The following PXN variants were observed in gnomAD, a reference collection of about 807,000 sequenced individuals.
PXN encodes the protein paxillin, also known as testicular tissue protein Li 134.
Under a neutral mutation model 103.6 loss-of-function variants are expected in PXN, and 61 were observed. The observed-to-expected ratio is 0.59, with a 90% CI of 0.48 to 0.73. The LOEUF is 0.73. Ranked by LOEUF, PXN falls within the 30% of genes least tolerant of loss-of-function variation. The pLI is 0.00. For synonymous variants in PXN, 562 were observed against 607.8 expected (o/e 0.92, Z 1.11); for missense variants, 1,274 against 1,460.3 (o/e 0.87, Z 2.08).
rs1456005012 is a variant in PXN, at chr12:120,225,761, C to T, written c.14-1384G>A. 1 of 152,660 alleles carries T rather than the reference C, an allele frequency of 6.6e-6. No homozygotes were observed. The highest frequency in any genetic ancestry group is 1.5e-5 in the Non-Finnish European group (1 of 68,310). 9.5% of individuals were successfully genotyped at this position (152,660 alleles called of 1,614,324 possible). On this transcript the variant is annotated intron_variant, in intron 1 of 14. Transcript: ENST00000637617. This position sits in a 1 kb window ranked among gnomAD's most constrained non-coding sequence, Gnocchi z 4.4. ...TGTGAGGCCTGCCAGTGTGATCCTT[C>T]CTTGTGGCCTTGCTCCCAGTCCCCC... is the stretch of plus-strand genomic sequence containing the variant.
chr12:120,214,065 C>A lies in PXN; in HGVS notation c.2830+71G>T. ...GGAGCCACTCTGACTCCAACCTCAG[C>A]AGCGTCTCCCACCCCCACCTCCCCG... On this transcript the variant is annotated intron_variant, in intron 13 of 14. Transcript: ENST00000637617. This position sits in a 1 kb window ranked among gnomAD's most constrained non-coding sequence, Gnocchi z 5.0. 1 of 1,573,006 alleles carries A rather than the reference C, an allele frequency of 6.4e-7. No homozygotes were observed. The highest frequency in any genetic ancestry group is 2.4e-5 in the East Asian group (1 of 42,358).
At position 120,216,572 on chromosome 12, in the gene PXN, G is replaced by A. The variant is rs1485748644; in HGVS notation, c.2002C>T (p.Pro668Ser). 5 of 1,433,990 alleles carry A rather than the reference G, an allele frequency of 3.5e-6. No individual in the cohort carries two copies. The highest frequency in any genetic ancestry group is 4.5e-6 in the Non-Finnish European group (5 of 1,103,390). The allele number at this position is 1,433,990 out of a possible 1,614,324, so 88.8% of individuals were successfully genotyped here. A position where few individuals can be genotyped will look rare whatever the true frequency, so the allele number is the denominator to read the frequency against. Residue 668 changes from proline to serine, a missense_variant, in exon 9 of 15, where the codon CCT (proline) becomes TCT (serine). Pro to Ser is a moderately conservative substitution (Grantham distance 74). Coordinates refer to ENST00000637617, the MANE Select transcript of PXN (RefSeq NM_001385981.1). The surrounding 1 kb of genome is among the most constrained non-coding windows in gnomAD (Gnocchi z 5.1). ...GGQLVEKVVF[P>S]PGSPIPLRRT... ...CTCAGGGGAATGGGAGAGCCAGGAG[G>A]GAAGACAACCTGGGGAGAAGAAAGG...
chr12:120,244,591 T>C (rs912421746), intron 1 of PXN, among the ~76,000 whole-genome samples: 1 of 147,234 alleles, frequency 6.8e-6, no homozygotes, highest in South Asian at 2.1e-4. Flanking sequence ...GAGCTTGCAG[T>C]GAGCAGAGAT....
Position 120,212,600 on chromosome 12 carries a change from G to A in PXN, c.2980-20C>T, listed in dbSNP as rs1258886933. On this transcript the variant is annotated intron_variant, in intron 14 of 14. Transcript: ENST00000637617. This position sits in a 1 kb window ranked among gnomAD's most constrained non-coding sequence, Gnocchi z 7.2. ...GCATTCCTGCCAGGCGGAGAGAGGG[G>A]CTCAGGGAGCTGCCCCTCGGGCTAG... 1 of 1,604,792 alleles carries A rather than the reference G, an allele frequency of 6.2e-7. No homozygotes were observed. Among genetic ancestry groups the A allele is most frequent in the Non-Finnish European group, 8.5e-7 (1 of 1,174,952 alleles).
At position 120,223,006 on chromosome 12, in the gene PXN, G is replaced by C; in HGVS notation, c.357-7C>G. Reference sequence around the variant, plus strand: ...TTTCTGCTTGTTGGGGAAGCTTTGAGAGGCAAAGGAAAGAAGATAGTGAGA... The same window carrying C: ...TTTCTGCTTGTTGGGGAAGCTTTGACAGGCAAAGGAAAGAAGATAGTGAGA... On this transcript the variant is annotated splice_polypyrimidine_tract_variant and splice_region_variant and intron_variant, in intron 3 of 14. Coordinates refer to ENST00000637617, the MANE Select transcript of PXN (RefSeq NM_001385981.1). 6.2e-7 allele frequency: 1 copy of C among 1,613,966 alleles called. No individual in the cohort carries two copies. The highest frequency in any genetic ancestry group is 8.5e-7 in the Non-Finnish European group (1 of 1,179,896).
intron 1 of PXN, among the ~76,000 whole-genome samples, chr12:120,255,243 C>T (rs1594524005): frequency 6.6e-6 from 1 of 152,228 alleles, no homozygotes; most frequent in East Asian, 1.9e-4. Flanking sequence ...GGTGCACCTC[C>T]ACTCAGGGAT....
chr12:120,230,682 G>A (rs1887844366), intron 1 of PXN, among the ~76,000 whole-genome samples: 1 of 149,486 alleles, frequency 6.7e-6, no homozygotes, highest in South Asian at 2.1e-4. Context: ...CACATGAGCA[G>A]TTAGAGCAGA....
intron 7 of PXN, among the ~76,000 whole-genome samples, chr12:120,218,880 G>A (rs1317948044): frequency 2.0e-5 from 3 of 152,228 alleles, no homozygotes; most frequent in Admixed American, 2.0e-4. Context: ...CACAGAGGTA[G>A]CAAGTGTTAG....
rs940914344 is a variant in PXN, at chr12:120,217,651, C to T, written c.1717-535G>A. ...CTGGAATGCAGTGGCGCGATCTGGTCTCACTGCAACCTCCGCCTCCTGGGT... is the reference window on the plus strand; with the variant it reads ...CTGGAATGCAGTGGCGCGATCTGGTTTCACTGCAACCTCCGCCTCCTGGGT... On this transcript the variant is annotated intron_variant, in intron 7 of 14. Transcript: ENST00000637617. This position sits in a 1 kb window ranked among gnomAD's most constrained non-coding sequence, Gnocchi z 4.1. 1.3e-5 allele frequency among the ~76,000 whole-genome samples: 2 copies of T among 152,104 alleles called. No homozygotes were observed. The highest frequency in any genetic ancestry group is 4.2e-4 in the South Asian group (2 of 4,812).
intron 1 of PXN, among the ~76,000 whole-genome samples, chr12:120,251,072 G>C (rs1431202549): frequency 1.3e-5 from 2 of 152,096 alleles, no homozygotes; most frequent in African/African-American, 4.8e-5. Context: ...GGGTGTGATG[G>C]CAGGTGCCTG....
Position 120,216,436 on chromosome 12 carries a change from A to AGGGGGGAG in PXN, c.2130_2137dup (p.Leu713ProfsTer41). 4 of 1,377,232 alleles carry AGGGGGGAG rather than the reference A, an allele frequency of 2.9e-6. No homozygotes were observed. Among genetic ancestry groups the AGGGGGGAG allele is most frequent in the Non-Finnish European group, 3.7e-6 (4 of 1,074,718 alleles). 85.3% of individuals were successfully genotyped at this position (1,377,232 alleles called of 1,614,324 possible). A position where few individuals can be genotyped will look rare whatever the true frequency, so the allele number is the denominator to read the frequency against. ...ACCACAGGTATAAGCTGAGGGCCCC[A>AGGGGGGAG]GGGGGGAGGAGGCGAGCAGGCTGGG... On this transcript the variant is annotated frameshift_variant, in exon 9 of 15. Coordinates refer to ENST00000637617, the MANE Select transcript of PXN (RefSeq NM_001385981.1). LOFTEE classifies it high-confidence loss of function. This position sits in a 1 kb window ranked among gnomAD's most constrained non-coding sequence, Gnocchi z 5.1.
At chr12:120,240,053 T>C (rs1250102968) in intron 1 of PXN, among the ~76,000 whole-genome samples, 2 of 152,056 alleles carry the variant, frequency 1.3e-5, no homozygotes, top group Non-Finnish European at 2.9e-5. Flanking sequence ...CAGGTCCAGC[T>C]CTGCCACTTG....
rs75617975 is a variant in PXN, at chr12:120,259,954, C to T, written c.13+5663G>A. 8.4e-3 allele frequency among the ~76,000 whole-genome samples: 1,282 copies of T among 152,312 alleles called. 19 individuals carry two copies. Among genetic ancestry groups the T allele is most frequent in the African/African-American group, 0.027 (1,112 of 41,566 alleles). The stretch of plus-strand genomic sequence containing the variant: ...TTTCAACAACTCCCTCCTCTGGATA[C>T]GGGAAAGACAAGGAGCATGTTCGGG... On this transcript the variant is annotated intron_variant, in intron 1 of 14. Coordinates refer to ENST00000637617, the MANE Select transcript of PXN (RefSeq NM_001385981.1).
In PXN at chr12:120,214,701, C is replaced by T. The variant is rs1456781965; in HGVS notation, c.2748+124G>A. On this transcript the variant is annotated intron_variant, in intron 12 of 14. Coordinates refer to ENST00000637617, the MANE Select transcript of PXN (RefSeq NM_001385981.1). The surrounding 1 kb of genome is among the most constrained non-coding windows in gnomAD (Gnocchi z 5.0). ...GCTGTGAATCCGGCCCCACTGTTCCCTAGCCCTGTGAGCCTCGGGCATGTG... is the reference window on the plus strand; with the variant it reads ...GCTGTGAATCCGGCCCCACTGTTCCTTAGCCCTGTGAGCCTCGGGCATGTG... 2 of 1,311,504 alleles carry T rather than the reference C, an allele frequency of 1.5e-6. No individual in the cohort carries two copies. The highest frequency in any genetic ancestry group is 4.7e-5 in the East Asian group (2 of 42,124). The allele number at this position is 1,311,504 out of a possible 1,614,324, so 81.2% of individuals were successfully genotyped here. A position where few individuals can be genotyped will look rare whatever the true frequency, so the allele number is the denominator to read the frequency against.
chr12:120,248,492 TCACACACACA>T (rs3221954), intron 1 of PXN, among the ~76,000 whole-genome samples: 5,841 of 127,910 alleles, frequency 0.046, 209 homozygotes, highest in Admixed American at 0.13. Context: ...CAGATGACTT[TCACACACACA>T]CACACACACA....
At chr12:120,259,721 T>A (rs1040924972) in intron 1 of PXN, among the ~76,000 whole-genome samples, 6 of 152,132 alleles carry the variant, frequency 3.9e-5, no homozygotes, top group Non-Finnish European at 8.8e-5. Flanking sequence ...AGGCCAGATA[T>A]GAGACTCCCA....
At chr12:120,258,844 G>A (rs547660998) in intron 1 of PXN, among the ~76,000 whole-genome samples, 4 of 152,176 alleles carry the variant, frequency 2.6e-5, no homozygotes, top group Admixed American at 2.0e-4. Context: ...TGGATCACCT[G>A]AGGTCGGGAG....
At chr12:120,255,383 G>C (rs1244924843) in intron 1 of PXN, among the ~76,000 whole-genome samples, 1 of 152,136 alleles carries the variant, frequency 6.6e-6, no homozygotes, top group Non-Finnish European at 1.5e-5. Context: ...GTGGAAGAAT[G>C]GGTCAGACTG....
At chr12:120,237,284 A>T (rs1889273412) in intron 1 of PXN, among the ~76,000 whole-genome samples, 1 of 151,842 alleles carries the variant, frequency 6.6e-6, no homozygotes, top group Non-Finnish European at 1.5e-5. Flanking sequence ...TCAGCCTCCC[A>T]AGTAGCTGGA....
Sources: allele counts gnomAD v4.1 joint callset (sites outside exome capture counted in the v4.1 genomes callset), GRCh38; gene constraint gnomAD v4.1.1; non-coding constraint Gnocchi (gnomAD v3.1); transcripts MANE v1.5; gene names NCBI Gene and HGNC (gene_info 2026-07-23, HGNC 2026-07-21).